Variants in MBOAT2 observed in about 807,000 individuals in gnomAD.
MBOAT2 encodes the protein membrane bound glycerophospholipid O-acyltransferase 2.
In MBOAT2, 28 loss-of-function variants were observed where a neutral mutation model predicts 63.4. The observed-to-expected ratio is 0.44, with a 90% CI of 0.33 to 0.61. MBOAT2 has a LOEUF of 0.61. Among genes scored for constraint, MBOAT2 ranks in the 20% least tolerant of loss-of-function variants. The pLI is 0.03. For synonymous variants in MBOAT2, 211 were observed against 215.6 expected, an observed-to-expected ratio of 0.98 and a Z score of 0.19; for missense variants, 470 against 605.8, an observed-to-expected ratio of 0.78 and a Z score of 2.35.
At chr2:8,924,213 C>T (rs1264551661) in intron 3 of MBOAT2, among the ~76,000 whole-genome samples, 1 of 152,184 alleles carries the variant, frequency 6.6e-6, no homozygotes, top group Non-Finnish European at 1.5e-5. Flanking sequence ...TTCCCACTCA[C>T]TTTAGAACAC....
At chr2:8,959,268 A>C (rs1196621129) in intron 1 of MBOAT2, among the ~76,000 whole-genome samples, 1 of 152,158 alleles carries the variant, frequency 6.6e-6, no homozygotes, top group Non-Finnish European at 1.5e-5. Flanking sequence ...GCCTTCGAAA[A>C]GCTCAAGTCC....
At position 8,936,786 on chromosome 2, in the gene MBOAT2, CAAAAAAA is replaced by C. The variant is rs745694357; in HGVS notation, c.299+6394_299+6400del. ...TGAGCTACAGAGGGAGACTCCGTCT[CAAAAAAA>C]AAAAAAAAAAAAGAAAAGAAAAAGA... On this transcript the variant is annotated intron_variant, in intron 3 of 12. Transcript: ENST00000305997. Among the ~76,000 whole-genome samples the C allele has an allele frequency of 1.2e-4, 7 of 56,372 alleles. 1 individual carries two copies. The South Asian group carries it at 2.6e-3, about 21-fold the overall frequency. 37.0% of individuals were successfully genotyped at this position (56,372 alleles called of 152,430 possible).
chr2:8,964,865 T>C lies in MBOAT2; in HGVS notation c.76-6223A>G, dbSNP rs1210843084. The stretch of plus-strand genomic sequence containing the variant: ...CCAGGATGAACATTTTTCTTATGTC[T>C]ATTGGACATTTAGTTTTCCCTTTAT... On this transcript the variant is annotated intron_variant, in intron 1 of 12. Coordinates refer to ENST00000305997, the MANE Select transcript of MBOAT2 (RefSeq NM_138799.4). Among the ~76,000 whole-genome samples the C allele has an allele frequency of 2.0e-5, 3 of 152,238 alleles. No homozygotes were observed. In the East Asian group the frequency reaches 5.8e-4, roughly 29 times the overall value.
intron 1 of MBOAT2, among the ~76,000 whole-genome samples, chr2:8,966,689 A>G (rs1273994510): frequency 6.6e-6 from 1 of 152,218 alleles, no homozygotes; most frequent in East Asian, 1.9e-4. Context: ...ATCATTACAC[A>G]TCCACCAGAT....
At chr2:8,915,743 T>A (rs903118398) in intron 3 of MBOAT2, among the ~76,000 whole-genome samples, 14 of 152,210 alleles carry the variant, frequency 9.2e-5, no homozygotes, top group Admixed American at 4.6e-4. Context: ...TGAATTTCAC[T>A]GAATGTCTTC....
intron 1 of MBOAT2, among the ~76,000 whole-genome samples, chr2:8,974,208 G>A (rs1039375499): frequency 3.3e-5 from 5 of 152,146 alleles, no homozygotes; most frequent in African/African-American, 1.2e-4. Flanking sequence ...TAGTCTCATG[G>A]GATGAATAGT....
rs568944169 is a variant in MBOAT2 at position 8,963,131 on chromosome 2, G to A, written c.76-4489C>T. Reference sequence around the variant, plus strand: ...GTGCACACCAGTAGTCCCAGCTACTGGGGAGGTGAGGTGGAAGGATTGCTT... The same window carrying A: ...GTGCACACCAGTAGTCCCAGCTACTAGGGAGGTGAGGTGGAAGGATTGCTT... On this transcript the variant is annotated intron_variant, in intron 1 of 12. Transcript: ENST00000305997. Among the ~76,000 whole-genome samples, 138 of 151,944 alleles carry A rather than the reference G, an allele frequency of 9.1e-4. 1 individual carries two copies. The highest frequency in any genetic ancestry group is 3.1e-3 in the African/African-American group (130 of 41,466).
At chr2:9,002,057 A>G (rs955403624) in intron 1 of MBOAT2, among the ~76,000 whole-genome samples, 6 of 150,158 alleles carry the variant, frequency 4.0e-5, no homozygotes, top group Non-Finnish European at 8.8e-5. Context: ...TACACTGCAC[A>G]CCAGTGTGGA....
At chr2:8,951,956 C>G (rs1406065487) in intron 2 of MBOAT2, among the ~76,000 whole-genome samples, 1 of 152,068 alleles carries the variant, frequency 6.6e-6, no homozygotes, top group African/African-American at 2.4e-5. Flanking sequence ...TATTTCTTTT[C>G]TTCTGCTAGC....
chr2:8,926,718 A>G (rs1317004521), intron 3 of MBOAT2, among the ~76,000 whole-genome samples: 2 of 152,218 alleles, frequency 1.3e-5, no homozygotes, highest in East Asian at 3.8e-4. Flanking sequence ...GGTCAGACAG[A>G]TACTGTAAAA....
intron 2 of MBOAT2, 111 bp downstream of exon 2, chr2:8,958,385 CT>C: frequency 8.9e-7 from 1 of 1,119,970 alleles, no homozygotes; most frequent in Non-Finnish European, 1.2e-6. Flanking sequence ...GGAGAAAAAA[CT>C]TTTTAAGTAA....
Position 8,860,621 on chromosome 2 carries a change from CG to C in MBOAT2, c.1328del (p.Thr443SerfsTer16). On this transcript the variant is annotated frameshift_variant, in exon 12 of 13. Coordinates refer to ENST00000305997, the MANE Select transcript of MBOAT2 (RefSeq NM_138799.4). LOFTEE classifies it low-confidence loss of function (END_TRUNC). Reference protein sequence around the residue: ...FVLLSIKPSLTFYSSWYYCLH... With the variant: ...FVLLSIKPSLXFYSSWYYCLH... ...TTAAGAGTAACACTTACCTGTAAAA[CG>C]TGAGTGATGGTTTTATAGAAAGAAG... 1 of 1,612,022 alleles carries C rather than the reference CG, an allele frequency of 6.2e-7. No homozygotes were observed. Among genetic ancestry groups the C allele is most frequent in the Non-Finnish European group, 8.5e-7 (1 of 1,179,416 alleles).
chr2:8,911,237 C>T (rs1450267567), intron 3 of MBOAT2, among the ~76,000 whole-genome samples: 1 of 152,172 alleles, frequency 6.6e-6, no homozygotes, highest in African/African-American at 2.4e-5. Flanking sequence ...GGACCCACTC[C>T]AACAACCCTC....
At chr2:8,906,259 C>A (rs1665324100) in intron 4 of MBOAT2, among the ~76,000 whole-genome samples, 1 of 152,210 alleles carries the variant, frequency 6.6e-6, no homozygotes, top group Non-Finnish European at 1.5e-5. Flanking sequence ...TTTTAAATGT[C>A]AGCAAAATAC....
chr2:8,938,721 T>C (rs1262490179), intron 3 of MBOAT2, among the ~76,000 whole-genome samples: 1 of 150,304 alleles, frequency 6.7e-6, no homozygotes, highest in East Asian at 2.0e-4. Context: ...TGCTGCCATG[T>C]TTCATGCCAC....
intron 3 of MBOAT2, among the ~76,000 whole-genome samples, chr2:8,936,364 G>A (rs1370394191): frequency 2.0e-5 from 3 of 152,202 alleles, no homozygotes; most frequent in Admixed American, 2.0e-4. Flanking sequence ...GTGGGCAGCT[G>A]AACCTTATGA....
intron 4 of MBOAT2, among the ~76,000 whole-genome samples, chr2:8,894,933 C>T (rs1443168291): frequency 7.3e-5 from 11 of 151,402 alleles, no homozygotes; most frequent in Non-Finnish European, 1.6e-4. Context: ...AAGCTGCAGA[C>T]CTTCGTGGTG....
intron 4 of MBOAT2, among the ~76,000 whole-genome samples, chr2:8,903,278 A>C (rs1665096612): frequency 1.3e-5 from 2 of 152,162 alleles, no homozygotes; most frequent in African/African-American, 2.4e-5. Context: ...ACTTCTTCTT[A>C]TACTTGAAAA....
intron 1 of MBOAT2, among the ~76,000 whole-genome samples, chr2:8,983,885 A>C (rs1206919113): frequency 6.6e-6 from 1 of 152,204 alleles, no homozygotes; most frequent in Non-Finnish European, 1.5e-5. Context: ...AATAAAGAAA[A>C]ATTATTTCTG....
Sources: allele counts gnomAD v4.1 joint callset (sites outside exome capture counted in the v4.1 genomes callset), GRCh38; gene constraint gnomAD v4.1.1; transcripts MANE v1.5; gene names NCBI Gene and HGNC (gene_info 2026-07-23, HGNC 2026-07-21).